Variants in USH2A observed in about 807,000 individuals in gnomAD.
The protein encoded by USH2A is Usher syndrome 2A (autosomal recessive, mild).
In USH2A, 443 loss-of-function variants were observed where a neutral mutation model predicts 538.9. That is an observed-to-expected ratio of 0.82 (90% CI 0.76 to 0.89). The LOEUF (loss-of-function observed/expected upper bound fraction) is 0.89, where lower values mean the gene tolerates loss of function less well. USH2A is among the 40% of genes least tolerant of loss of function. USH2A has a pLI of 0.00. For synonymous variants in USH2A, 2,413 were observed against 2,273.5 expected, an observed-to-expected ratio of 1.06 and a Z score of -1.75; for missense variants, 6,633 against 6,324.8, an observed-to-expected ratio of 1.05 and a Z score of -1.65.
chr1:216,193,885 G>A (rs895840954), intron 19 of USH2A, among the ~76,000 whole-genome samples: 1 of 152,046 alleles, frequency 6.6e-6, no homozygotes, highest in Non-Finnish European at 1.5e-5. Flanking sequence ...AAATACTCTA[G>A]GGTACAAAGG....
rs751111524 is a variant in USH2A, at chr1:215,813,906, T to C, written c.9571-2A>G. On this transcript the variant is annotated splice_acceptor_variant, in intron 48 of 71. Coordinates refer to ENST00000307340, the MANE Select transcript of USH2A (RefSeq NM_206933.4). LOFTEE classifies it high-confidence loss of function. ...ATAGAGCACTCCGTTACAACAAACC[T>C]GAAAGTTTGAAAACAGTTTTAAAGA... is the stretch of plus-strand genomic sequence containing the variant. 3.6e-5 allele frequency: 58 copies of C among 1,613,482 alleles called. No individual in the cohort carries two copies. The highest frequency in any genetic ancestry group is 4.7e-5 in the Non-Finnish European group (56 of 1,179,668).
intron 48 of USH2A, among the ~76,000 whole-genome samples, chr1:215,814,189 TTTTA>T (rs1314380581): frequency 6.9e-6 from 1 of 145,656 alleles, no homozygotes; most frequent in Non-Finnish European, 1.5e-5. Flanking sequence ...ATTTTATATC[TTTTA>T]TTTTATTATA....
At chr1:215,661,194 T>C (rs1440219224) in intron 64 of USH2A, among the ~76,000 whole-genome samples, 2 of 152,172 alleles carry the variant, frequency 1.3e-5, no homozygotes, top group Non-Finnish European at 2.9e-5. Flanking sequence ...CGAGCTGGTT[T>C]TTCCCCAGAT....
chr1:216,250,560 T>C (rs1433494466), intron 12 of USH2A, among the ~76,000 whole-genome samples: 5 of 152,200 alleles, frequency 3.3e-5, no homozygotes, highest in African/African-American at 7.2e-5. Flanking sequence ...TTAGAACTCA[T>C]TAAGTGTAAA....
At chr1:215,967,975 C>T (rs1306618038) in intron 36 of USH2A, among the ~76,000 whole-genome samples, 1 of 152,070 alleles carries the variant, frequency 6.6e-6, no homozygotes, top group Non-Finnish European at 1.5e-5. Flanking sequence ...TTAGACTCCA[C>T]TAGTGTTATG....
At chr1:215,860,738 T>C (rs1232594365) in intron 44 of USH2A, among the ~76,000 whole-genome samples, 2 of 152,188 alleles carry the variant, frequency 1.3e-5, no homozygotes, top group African/African-American at 4.8e-5. Context: ...CTGATTCAGA[T>C]CAATTATAGT....
chr1:216,175,632 G>A (rs963516914), intron 20 of USH2A, 150 bp from the exon 21 acceptor site: 3 of 770,642 alleles, frequency 3.9e-6, no homozygotes, highest in African/African-American at 3.5e-5. Flanking sequence ...TCTAGGAACT[G>A]AAAACACAAT....
intron 20 of USH2A, among the ~76,000 whole-genome samples, chr1:216,182,630 G>A (rs1172277762): frequency 6.6e-6 from 1 of 152,100 alleles, no homozygotes. Context: ...ACTCTGAACA[G>A]ATGGTAATTC....
At chr1:216,097,267 CT>C in intron 21 of USH2A, 54 bp from the exon 22 acceptor site, 1 of 1,613,252 alleles carries the variant, frequency 6.2e-7, no homozygotes. Flanking sequence ...TTGATTCTTT[CT>C]GATAAATGTA....
chr1:215,753,077 C>G (rs1660673875), intron 58 of USH2A, among the ~76,000 whole-genome samples: 1 of 152,138 alleles, frequency 6.6e-6, no homozygotes, highest in Admixed American at 6.5e-5. Context: ...CCATCACTGG[C>G]CATCAGAGAA....
chr1:215,691,176 C>T (rs1249175860), intron 61 of USH2A, among the ~76,000 whole-genome samples: 1 of 151,778 alleles, frequency 6.6e-6, no homozygotes, highest in African/African-American at 2.4e-5. Context: ...GCCACCGTGC[C>T]CAGCCAGTTA....
At chr1:216,418,787 AAATG>A in intron 2 of USH2A, 108 bp from the exon 3 acceptor site, 1 of 1,186,708 alleles carries the variant, frequency 8.4e-7, no homozygotes. Context: ...ACTTTGCTCA[AAATG>A]GTGTACTATG....
chr1:216,047,443 T>C (rs768312589), intron 31 of USH2A, among the ~76,000 whole-genome samples: 4 of 152,140 alleles, frequency 2.6e-5, no homozygotes, highest in Non-Finnish European at 5.9e-5. Context: ...AAAACAGTGC[T>C]ATTACCAGTA....
chr1:215,890,764 G>T (rs1558147480), intron 40 of USH2A, among the ~76,000 whole-genome samples: 2 of 151,998 alleles, frequency 1.3e-5, no homozygotes, highest in Admixed American at 6.6e-5. Context: ...TCTAGATTTG[G>T]CTATTTCCCA....
chr1:216,186,488 T>C (rs2034606499), intron 20 of USH2A, among the ~76,000 whole-genome samples: 1 of 151,914 alleles, frequency 6.6e-6, no homozygotes, highest in African/African-American at 2.4e-5. Flanking sequence ...ATTCTGACCA[T>C]ACCTCTGTTC....
At chr1:215,947,997 G>C (rs1279619431) in intron 37 of USH2A, among the ~76,000 whole-genome samples, 1 of 152,064 alleles carries the variant, frequency 6.6e-6, no homozygotes, top group African/African-American at 2.4e-5. Context: ...AAAAGTGGAA[G>C]TAAACCACCT....
chr1:215,806,058 T>C (rs1662492699), intron 49 of USH2A, among the ~76,000 whole-genome samples: 1 of 144,126 alleles, frequency 6.9e-6, no homozygotes, highest in Admixed American at 6.9e-5. Context: ...CATCTATCCA[T>C]AACTGCCCTT....
intron 60 of USH2A, among the ~76,000 whole-genome samples, chr1:215,734,187 A>C (rs1660085986): frequency 6.6e-6 from 1 of 152,106 alleles, no homozygotes; most frequent in African/African-American, 2.4e-5. Context: ...TTAACACTAC[A>C]TGGTAGCTAC....
chr1:215,804,144 C>T (rs1403263617), intron 49 of USH2A, among the ~76,000 whole-genome samples: 2 of 152,008 alleles, frequency 1.3e-5, no homozygotes, highest in African/African-American at 4.8e-5. Flanking sequence ...CAAGATGGAT[C>T]AAAGACTTAA....
Sources: allele counts gnomAD v4.1 joint callset (sites outside exome capture counted in the v4.1 genomes callset), GRCh38; gene constraint gnomAD v4.1.1; transcripts MANE v1.5; gene names NCBI Gene and HGNC (gene_info 2026-07-23, HGNC 2026-07-21).